The following GRM7 variants were observed in gnomAD, a reference collection of about 807,000 sequenced individuals.
GRM7 encodes the protein glutamate metabotropic receptor 7.
In GRM7, 35 loss-of-function variants were observed where a neutral mutation model predicts 84.5. The ratio of observed to expected loss-of-function variants is 0.41; its 90% CI spans 0.32 to 0.55. The LOEUF is 0.55. GRM7 is among the 20% of genes least tolerant of loss of function. The pLI, the probability that GRM7 is intolerant of heterozygous loss-of-function variation, is 0.19. For missense variants in GRM7, 1,003 were observed against 1,194.6 expected, an observed-to-expected ratio of 0.84 and a Z score of 2.36; for synonymous variants, 487 against 455.1, an observed-to-expected ratio of 1.07 and a Z score of -0.89.
rs79030194 is a variant in GRM7 at position 7,046,614 on chromosome 3, G to A, written c.520-99838G>A. 4.2e-3 allele frequency among the ~76,000 whole-genome samples: 634 copies of A among 152,154 alleles called. 5 individuals carry two copies. Among genetic ancestry groups the A allele is most frequent in the African/African-American group, 0.014 (602 of 41,536 alleles). On this transcript the variant is annotated intron_variant, in intron 1 of 9. Coordinates refer to ENST00000357716, the MANE Select transcript of GRM7 (RefSeq NM_000844.4). ...ATTTACAGGAGGCATTCCCCTTCAA[G>A]AGGCATAGACATTTCATATGGGTAA...
At chr3:7,419,033 T>A (rs949752238) in intron 5 of GRM7, among the ~76,000 whole-genome samples, 1 of 152,132 alleles carries the variant, frequency 6.6e-6, no homozygotes, top group African/African-American at 2.4e-5. Flanking sequence ...CAATGGAAAT[T>A]TTCTGCTCTT....
intron 1 of GRM7, among the ~76,000 whole-genome samples, chr3:7,091,370 C>T (rs1265362749): frequency 6.6e-6 from 1 of 152,286 alleles, no homozygotes; most frequent in Non-Finnish European, 1.5e-5. Context: ...TATAAGACAT[C>T]ATTTCTACCA....
chr3:7,205,865 G>A lies in GRM7; in HGVS notation c.736+59197G>A, dbSNP rs551962609. On this transcript the variant is annotated intron_variant, in intron 2 of 9. Coordinates refer to ENST00000357716, the MANE Select transcript of GRM7 (RefSeq NM_000844.4). ...GAAGACCCCTTTGAACCATCTAAGT[G>A]TTAAGTTTATTTAAACAACCTGGCT... is the stretch of plus-strand genomic sequence containing the variant. 3.3e-5 allele frequency among the ~76,000 whole-genome samples: 5 copies of A among 152,320 alleles called. No homozygotes were observed. The South Asian group carries it at 1.0e-3, about 32-fold the overall frequency.
At chr3:7,410,440 G>C (rs1015304823) in intron 4 of GRM7, among the ~76,000 whole-genome samples, 1 of 152,024 alleles carries the variant, frequency 6.6e-6, no homozygotes, top group African/African-American at 2.4e-5. Flanking sequence ...AGGCATGGTG[G>C]TGCCCACCTG....
At chr3:7,088,052 A>G (rs973434030) in intron 1 of GRM7, among the ~76,000 whole-genome samples, 1 of 152,222 alleles carries the variant, frequency 6.6e-6, no homozygotes. Context: ...TCCTATCCAT[A>G]AAATGAGAAT....
chr3:6,969,072 C>T (rs973337573), intron 1 of GRM7, among the ~76,000 whole-genome samples: 4 of 147,956 alleles, frequency 2.7e-5, no homozygotes, highest in African/African-American at 7.7e-5. Context: ...AATCAGGAAG[C>T]TCTACAAACC....
chr3:7,635,024 T>C (rs919693265), intron 8 of GRM7, among the ~76,000 whole-genome samples: 5 of 152,186 alleles, frequency 3.3e-5, no homozygotes, highest in Non-Finnish European at 5.9e-5. Context: ...TCTGTAATGA[T>C]GGAAATGTCC....
chr3:7,196,628 A>C (rs1448978026), intron 2 of GRM7, among the ~76,000 whole-genome samples: 3 of 152,038 alleles, frequency 2.0e-5, no homozygotes, highest in Non-Finnish European at 4.4e-5. Flanking sequence ...CTCATCCTTC[A>C]ATCTCAGCTT....
At chr3:7,561,815 G>C (rs1694039484) in intron 7 of GRM7, among the ~76,000 whole-genome samples, 1 of 152,080 alleles carries the variant, frequency 6.6e-6, no homozygotes, top group South Asian at 2.1e-4. Flanking sequence ...TAGTCTAATT[G>C]AATTTTTAAA....
chr3:7,691,233 C>T (rs1406379570), intron 9 of GRM7: 1 of 1,281,446 alleles, frequency 7.8e-7, no homozygotes, highest in Non-Finnish European at 1.0e-6. Flanking sequence ...CCTCAGCTTG[C>T]ACAAAGAGGA....
intron 8 of GRM7, among the ~76,000 whole-genome samples, chr3:7,655,019 G>A (rs77021067): frequency 0.013 from 1,912 of 152,220 alleles, 49 homozygotes; most frequent in African/African-American, 0.044. Flanking sequence ...TCAATTGTCC[G>A]TGGTTCTAGT....
intron 2 of GRM7, among the ~76,000 whole-genome samples, chr3:7,290,617 T>C (rs1415860983): frequency 6.6e-6 from 1 of 152,146 alleles, no homozygotes; most frequent in Non-Finnish European, 1.5e-5. Flanking sequence ...CAGAGAATTT[T>C]TTATCTAAGC....
At chr3:7,196,629 A>G (rs988336697) in intron 2 of GRM7, among the ~76,000 whole-genome samples, 1 of 151,874 alleles carries the variant, frequency 6.6e-6, no homozygotes, top group Non-Finnish European at 1.5e-5. Context: ...TCATCCTTCA[A>G]TCTCAGCTTA....
At chr3:7,323,056 CT>C (rs1349579104) in intron 4 of GRM7, among the ~76,000 whole-genome samples, 5 of 152,114 alleles carry the variant, frequency 3.3e-5, no homozygotes, top group African/African-American at 1.2e-4. Context: ...TCGCTTCCCC[CT>C]GAACACACGG....
chr3:6,938,576 G>T (rs1451500230), intron 1 of GRM7, among the ~76,000 whole-genome samples: 1 of 152,196 alleles, frequency 6.6e-6, no homozygotes, highest in Non-Finnish European at 1.5e-5. Flanking sequence ...GACAGCTTAA[G>T]AGAGACAGGC....
At chr3:7,542,778 C>T (rs1692950050) in intron 7 of GRM7, among the ~76,000 whole-genome samples, 1 of 152,112 alleles carries the variant, frequency 6.6e-6, no homozygotes, top group Non-Finnish European at 1.5e-5. Flanking sequence ...GATCTTCTGA[C>T]CTCGTGATCT....
chr3:7,100,448 A>G (rs999570478), intron 1 of GRM7, among the ~76,000 whole-genome samples: 2 of 151,796 alleles, frequency 1.3e-5, no homozygotes, highest in South Asian at 4.1e-4. Context: ...AGATGCTGCT[A>G]TTAGAAAAAC....
At chr3:7,351,461 G>A (rs1693144678) in intron 4 of GRM7, among the ~76,000 whole-genome samples, 2 of 151,518 alleles carry the variant, frequency 1.3e-5, no homozygotes, top group Admixed American at 1.3e-4. Context: ...CACATTGTCT[G>A]TGATGGTTAA....
intron 1 of GRM7, among the ~76,000 whole-genome samples, chr3:7,128,761 G>C (rs146538120): frequency 6.6e-6 from 1 of 151,594 alleles, no homozygotes; most frequent in Non-Finnish European, 1.5e-5. Flanking sequence ...ACCCACCTTC[G>C]CTTCCCAAAG....
Sources: allele counts gnomAD v4.1 joint callset (sites outside exome capture counted in the v4.1 genomes callset), GRCh38; gene constraint gnomAD v4.1.1; transcripts MANE v1.5; gene names NCBI Gene and HGNC (gene_info 2026-07-23, HGNC 2026-07-21).